The following MSH5 variants were observed in gnomAD, a reference collection of about 807,000 sequenced individuals.
The protein encoded by MSH5 is mutS homolog 5, also known as mutS protein homolog 5.
In MSH5, 78 loss-of-function variants were observed where a neutral mutation model predicts 107.7. The ratio of observed to expected loss-of-function variants is 0.72; its 90% confidence interval spans 0.60 to 0.87. MSH5 has a LOEUF of 0.87. MSH5 is among the 40% of genes least tolerant of loss of function. MSH5 has a pLI of 0.00. For missense variants in MSH5, 889 were observed against 1,046.6 expected, an observed-to-expected ratio of 0.85 and a Z score of 2.08; for synonymous variants, 326 against 399.5, an observed-to-expected ratio of 0.82 and a Z score of 2.19.
intron 8 of MSH5, 112 bp downstream of exon 8, chr6:31,744,693 T>G: frequency 8.4e-7 from 1 of 1,194,400 alleles, no homozygotes; most frequent in South Asian, 1.3e-5. Context: ...TATTAAGATC[T>G]CTCTCCTTGA....
In MSH5 at chr6:31,760,141, A is replaced by T; in HGVS notation, c.1737A>T (p.Glu579Asp). The T allele has an allele frequency of 6.2e-7, 1 of 1,611,444 alleles. No individual in the cohort carries two copies. The highest frequency in any genetic ancestry group is 8.5e-7 in the Non-Finnish European group (1 of 1,178,692). Residue 579 changes from glutamate (E) to aspartate (D), a missense_variant, in exon 19 of 25, where the codon GAA becomes GAT. By Grantham distance (45) the Glu-to-Asp change is conservative. Coordinates refer to ENST00000375750, the MANE Select transcript of MSH5 (RefSeq NM_172166.4). This position sits in a 1 kb window ranked among gnomAD's most constrained non-coding sequence, Gnocchi z 5.6. ...CARTFVPNST[E>D]CGGDKGRVKV... ...GAACCTTTGTGCCCAACTCCACAGA[A>T]TGTGGTGGGGACAAAGGGAGGGTCA...
At position 31,759,915 on chromosome 6, in the gene MSH5, A is replaced by G. The variant is rs771307170; in HGVS notation, c.1625A>G (p.Tyr542Cys). Residue 542 changes from tyrosine (Y) to cysteine (C), a missense_variant, in exon 18 of 25, where the codon TAT becomes TGT. Transcript: ENST00000375750. This position sits in a 1 kb window ranked among gnomAD's most constrained non-coding sequence, Gnocchi z 4.7. Reference sequence around the variant, plus strand: ...GCTCTTGCCAGTGCTGCCCGGGACTATGGCTACTCAAGGCCGCGTTACTCC... The same window carrying G: ...GCTCTTGCCAGTGCTGCCCGGGACTGTGGCTACTCAAGGCCGCGTTACTCC... The part of the protein sequence containing the change: ...LLALASAARD[Y>C]GYSRPRYSPQ... 2 of 1,614,190 alleles carry G rather than the reference A, an allele frequency of 1.2e-6. No homozygotes were observed. Among genetic ancestry groups the G allele is most frequent in the Non-Finnish European group, 1.7e-6 (2 of 1,180,028 alleles).
chr6:31,753,951 C>T, intron 12 of MSH5: 1 of 255,416 alleles, frequency 3.9e-6, no homozygotes, highest in Admixed American at 4.4e-5. Context: ...GTCTTGAACT[C>T]CTGACTTCAG....
At chr6:31,762,285 C>T in intron 24 of MSH5, 100 bp downstream of exon 24, 1 of 1,432,266 alleles carries the variant, frequency 7.0e-7, no homozygotes, top group Non-Finnish European at 9.8e-7. Flanking sequence ...CTTTGCCCTT[C>T]AGAAACCCAC....
intron 12 of MSH5, among the ~76,000 whole-genome samples, chr6:31,756,375 T>G (rs1217540024): frequency 6.6e-6 from 1 of 152,092 alleles, no homozygotes. Context: ...TTTCACCATG[T>G]TGGCCAGGAT....
At chr6:31,743,325 C>T (rs1046810140) in intron 5 of MSH5, 155 bp downstream of exon 5, 1 of 749,398 alleles carries the variant, frequency 1.3e-6, no homozygotes, top group Admixed American at 2.3e-5. Context: ...CAAGATCTCT[C>T]CTGCTCCCTA....
intron 9 of MSH5, among the ~76,000 whole-genome samples, chr6:31,745,765 G>GTTTTTTTT (rs9279404): frequency 8.3e-6 from 1 of 120,972 alleles, no homozygotes. Flanking sequence ...TTGTGTCCAG[G>GTTTTTTTT]TTTTTTTTTT....
chr6:31,741,126 A>T lies in MSH5; in HGVS notation c.148-37A>T, dbSNP rs781324742. 1.2e-5 allele frequency: 20 copies of T among 1,610,666 alleles called. No individual in the cohort carries two copies. In the South Asian group the frequency reaches 2.1e-4, roughly 17 times the overall value. ...ATGGTAAACCCTACACTTATGAGTG[A>T]TTCTAATAGTGATTTCCTTTCTTCC... On this transcript the variant is annotated intron_variant, in intron 2 of 24. Transcript: ENST00000375750.
At position 31,753,135 on chromosome 6, in the gene MSH5, A is replaced by G. The variant is rs561808100; in HGVS notation, c.813-166A>G. On this transcript the variant is annotated intron_variant, in intron 10 of 24. Transcript: ENST00000375750. ...TAGCAATTTTCAGTAGATACATGTAAACACACCTGAATGGGTAGGACACTG... is the reference window on the plus strand; with the variant it reads ...TAGCAATTTTCAGTAGATACATGTAGACACACCTGAATGGGTAGGACACTG... The G allele has an allele frequency of 1.4e-4, 112 of 815,816 alleles. 1 individual carries two copies. In the African/African-American group the frequency reaches 1.6e-3, roughly 12 times the overall value. The allele number at this position is 815,816 out of a possible 1,614,324, so 50.5% of individuals were successfully genotyped here.
rs555242015 is a variant in MSH5 at position 31,760,679 on chromosome 6, T to C, written c.1813-11T>C. On this transcript the variant is annotated splice_polypyrimidine_tract_variant and intron_variant, in intron 19 of 24. Coordinates refer to ENST00000375750, the MANE Select transcript of MSH5 (RefSeq NM_172166.4). This position sits in a 1 kb window ranked among gnomAD's most constrained non-coding sequence, Gnocchi z 5.6. ...CACCAGGCCCCAGGCCCTGTCTCCT[T>C]CCCTATTCAGGTAGGCTTGATCACA... 4.3e-6 allele frequency: 7 copies of C among 1,612,862 alleles called. No homozygotes were observed. The Admixed American group carries it at 1.2e-4, about 27-fold the overall frequency.
chr6:31,745,288 C>T lies in MSH5; in HGVS notation c.735C>T (p.Ala245=). 1 of 1,613,484 alleles carries T rather than the reference C, an allele frequency of 6.2e-7. No homozygotes were observed. The highest frequency in any genetic ancestry group is 8.5e-7 in the Non-Finnish European group (1 of 1,179,488). Residue 245 remains alanine (A), a synonymous_variant, in exon 9 of 25, where the codon GCC becomes GCT. Transcript: ENST00000375750. The stretch of plus-strand genomic sequence containing the variant: ...CTCACCCCTCAGTGTACAAAGTGGC[C>T]AGTGGACTGAAGGAGGGGCTCAGCC... ...SESHPSVYKV[A]SGLKEGLSLF... is the part of the protein sequence containing the mutation.
intron 8 of MSH5, 138 bp downstream of exon 8, chr6:31,744,719 G>A: frequency 2.2e-6 from 2 of 908,996 alleles, no homozygotes; most frequent in Non-Finnish European, 3.5e-6. Flanking sequence ...AGGGAAGGGG[G>A]GTTTTGAGGG....
intron 12 of MSH5, chr6:31,757,308 C>G (rs1288192060): frequency 6.6e-6 from 1 of 152,140 alleles, no homozygotes; most frequent in African/African-American, 2.4e-5. Flanking sequence ...CCACGCCTGG[C>G]TAATTTTTTG....
At position 31,760,040 on chromosome 6, in the gene MSH5, C is replaced by T; in HGVS notation, c.1686-50C>T. The stretch of plus-strand genomic sequence containing the variant: ...CCAAAGGCTACATCTTCTGGGGGTT[C>T]ATCTATCTTGATCCACAAGCCATGC... On this transcript the variant is annotated intron_variant, in intron 18 of 24. Coordinates refer to ENST00000375750, the MANE Select transcript of MSH5 (RefSeq NM_172166.4). The surrounding 1 kb of genome is among the most constrained non-coding windows in gnomAD (Gnocchi z 5.6). The T allele has an allele frequency of 6.2e-7, 1 of 1,608,314 alleles. No homozygotes were observed. The highest frequency in any genetic ancestry group is 8.5e-7 in the Non-Finnish European group (1 of 1,176,220).
chr6:31,747,352 T>G (rs1235593913), intron 9 of MSH5, 35 bp from the exon 10 acceptor site: 1 of 1,610,918 alleles, frequency 6.2e-7, no homozygotes, highest in Non-Finnish European at 8.5e-7. Context: ...GTCCCTGCCT[T>G]GTAACAAGTT....
intron 12 of MSH5, among the ~76,000 whole-genome samples, chr6:31,755,331 T>G (rs1019288300): frequency 7.9e-5 from 11 of 139,554 alleles, no homozygotes; most frequent in African/African-American, 2.4e-4. Flanking sequence ...TTTTATTTTT[T>G]GCTTGCATTT....
intron 9 of MSH5, 28 bp downstream of exon 9, chr6:31,745,347 A>C: frequency 1.3e-6 from 2 of 1,524,778 alleles, no homozygotes; most frequent in South Asian, 2.3e-5. Context: ...CTCATCTCAC[A>C]TTACAAAGAC....
chr6:31,746,109 T>TGTGTGTGTGTGTGTGTGTGTGA (rs1809435482), intron 9 of MSH5: 2 of 152,382 alleles, frequency 1.3e-5, no homozygotes, highest in South Asian at 2.1e-4. Context: ...TGTGTGTGTG[T>TGTGTGTGTGTGTGTGTGTGTGA]GTGTGAGACG....
chr6:31,751,390 C>G (rs1162926038), intron 10 of MSH5: 1 of 151,944 alleles, frequency 6.6e-6, no homozygotes, highest in South Asian at 2.1e-4. Flanking sequence ...AATCCCAGCA[C>G]TTTGGGAGGC....
Sources: allele counts gnomAD v4.1 joint callset (sites outside exome capture counted in the v4.1 genomes callset), GRCh38; gene constraint gnomAD v4.1.1; non-coding constraint Gnocchi (gnomAD v3.1); transcripts MANE v1.5; gene names NCBI Gene and HGNC (gene_info 2026-07-23, HGNC 2026-07-21).